PCDH9: variants seen among roughly 807,000 people sequenced by gnomAD.
PCDH9 encodes protocadherin 9.
In PCDH9, 24 loss-of-function variants were observed where a neutral mutation model predicts 70.6. The observed-to-expected ratio is 0.34, with a 90% CI of 0.25 to 0.48. The LOEUF (loss-of-function observed/expected upper bound fraction) is 0.48, where lower values mean the gene tolerates loss of function less well. Ranked by LOEUF, PCDH9 falls within the 20% of genes least tolerant of loss-of-function variation. The pLI, the probability that PCDH9 is intolerant of heterozygous loss-of-function variation, is 0.99. For synonymous variants in PCDH9, 562 were observed against 558.5 expected, an observed-to-expected ratio of 1.01 and a Z score of -0.09; for missense variants, 1,281 against 1,503.6, an observed-to-expected ratio of 0.85 and a Z score of 2.45.
chr13:66,907,487 T>A (rs1463021182), intron 2 of PCDH9, among the ~76,000 whole-genome samples: 1 of 152,202 alleles, frequency 6.6e-6, no homozygotes, highest in Non-Finnish European at 1.5e-5. Context: ...TATTGCAATA[T>A]GTGGATAAAT....
At chr13:66,601,661 A>G (rs370287909) in intron 4 of PCDH9, among the ~76,000 whole-genome samples, 1 of 146,522 alleles carries the variant, frequency 6.8e-6, no homozygotes, top group African/African-American at 2.5e-5. Context: ...ACATTTTTGC[A>G]GAAGGCTGCT....
intron 4 of PCDH9, among the ~76,000 whole-genome samples, chr13:66,577,118 T>C (rs2076826255): frequency 6.6e-6 from 1 of 151,958 alleles, no homozygotes; most frequent in East Asian, 1.9e-4. Flanking sequence ...AAATCTTTGC[T>C]ACTGTTACAT....
chr13:66,458,729 G>A (rs571103627), intron 4 of PCDH9, among the ~76,000 whole-genome samples: 5 of 151,968 alleles, frequency 3.3e-5, no homozygotes, highest in African/African-American at 9.7e-5. Context: ...GGTGACATTC[G>A]AAGAGTCCAA....
At chr13:66,519,187 G>A (rs1159474402) in intron 4 of PCDH9, among the ~76,000 whole-genome samples, 1 of 152,064 alleles carries the variant, frequency 6.6e-6, no homozygotes, top group Non-Finnish European at 1.5e-5. Flanking sequence ...ATAAACAGTG[G>A]TGATAGTAGT....
At chr13:66,510,466 T>A (rs1959414372) in intron 4 of PCDH9, among the ~76,000 whole-genome samples, 1 of 152,120 alleles carries the variant, frequency 6.6e-6, no homozygotes, top group Non-Finnish European at 1.5e-5. Flanking sequence ...ACCCATTAAG[T>A]CGTCATTTAC....
intron 4 of PCDH9, among the ~76,000 whole-genome samples, chr13:66,366,187 T>G (rs1269367451): frequency 1.3e-5 from 2 of 152,044 alleles, no homozygotes; most frequent in Non-Finnish European, 2.9e-5. Flanking sequence ...TATTGGCTTC[T>G]TTTAATCCCA....
At chr13:66,748,595 C>T (rs1440712220) in intron 3 of PCDH9, among the ~76,000 whole-genome samples, 1 of 152,102 alleles carries the variant, frequency 6.6e-6, no homozygotes, top group Admixed American at 6.6e-5. Context: ...TGTAGTGTGT[C>T]AGCAAAGCAG....
chr13:66,718,249 A>G (rs1009208856), intron 3 of PCDH9, among the ~76,000 whole-genome samples: 1 of 152,212 alleles, frequency 6.6e-6, no homozygotes. Flanking sequence ...ACCCGTTCAA[A>G]CTGAGAGAGA....
chr13:66,447,191 A>G (rs1374877830), intron 4 of PCDH9, among the ~76,000 whole-genome samples: 1 of 152,100 alleles, frequency 6.6e-6, no homozygotes, highest in African/African-American at 2.4e-5. Context: ...AAAAATGTTG[A>G]AAAGCTTCTA....
intron 4 of PCDH9, among the ~76,000 whole-genome samples, chr13:66,338,071 C>T (rs1248184217): frequency 6.6e-6 from 1 of 152,076 alleles, no homozygotes; most frequent in Non-Finnish European, 1.5e-5. Flanking sequence ...GTTAATTAGG[C>T]AGCCAAAACC....
chr13:66,872,108 G>A (rs933295450), intron 3 of PCDH9, among the ~76,000 whole-genome samples: 1 of 152,062 alleles, frequency 6.6e-6, no homozygotes, highest in Non-Finnish European at 1.5e-5. Flanking sequence ...TCCCCATAAA[G>A]GACATATGAC....
chr13:66,598,289 T>C lies in PCDH9; in HGVS notation c.3340+32921A>G, dbSNP rs137946920. On this transcript the variant is annotated intron_variant, in intron 4 of 4. Transcript: ENST00000377865. ...GGAAGCAATATTTAGAACATGGCTA[T>C]TCTAAAGATAACCTAATTTTTTTCT... 1.1e-4 allele frequency among the ~76,000 whole-genome samples: 17 copies of C among 151,972 alleles called. No homozygotes were observed. In the East Asian group the frequency reaches 3.1e-3, roughly 28 times the overall value.
intron 3 of PCDH9, among the ~76,000 whole-genome samples, chr13:66,647,853 G>A (rs985876524): frequency 1.3e-5 from 2 of 151,864 alleles, no homozygotes; most frequent in African/African-American, 4.8e-5. Context: ...TCATACTCAC[G>A]AGCATTCACC....
chr13:66,523,814 A>T (rs1960100046), intron 4 of PCDH9, among the ~76,000 whole-genome samples: 1 of 152,104 alleles, frequency 6.6e-6, no homozygotes, highest in African/African-American at 2.4e-5. Context: ...AAAAACTTGC[A>T]TTATTGAAAA....
chr13:66,465,641 C>G (rs921963481), intron 4 of PCDH9, among the ~76,000 whole-genome samples: 1 of 151,806 alleles, frequency 6.6e-6, no homozygotes, highest in African/African-American at 2.4e-5. Context: ...CTTCCACTAA[C>G]TTTACTAACA....
intron 4 of PCDH9, among the ~76,000 whole-genome samples, chr13:66,592,929 T>C (rs555433976): frequency 1.4e-4 from 21 of 151,880 alleles, no homozygotes; most frequent in African/African-American, 4.6e-4. Flanking sequence ...CATTTTCATA[T>C]AGTTGATTTT....
At chr13:66,583,274 C>T (rs1018379771) in intron 4 of PCDH9, among the ~76,000 whole-genome samples, 1 of 151,978 alleles carries the variant, frequency 6.6e-6, no homozygotes, top group African/African-American at 2.4e-5. Context: ...TTAACTTACT[C>T]GATTATAATT....
At position 66,447,321 on chromosome 13, in the gene PCDH9, G is replaced by A. The variant is rs78888060; in HGVS notation, c.3341-142293C>T. Among the ~76,000 whole-genome samples, 809 of 151,960 alleles carry A rather than the reference G, an allele frequency of 5.3e-3. 7 individuals carry two copies. The highest frequency in any genetic ancestry group is 0.018 in the African/African-American group (764 of 41,494). On this transcript the variant is annotated intron_variant, in intron 4 of 4. Coordinates refer to ENST00000377865, the MANE Select transcript of PCDH9 (RefSeq NM_203487.3). ...AAGAGTTAACATAACTAATAGCCTT[G>A]GAGATTTGAGTCTAATATTAGGCTT...
At chr13:66,626,187 T>C (rs1322676464) in intron 4 of PCDH9, among the ~76,000 whole-genome samples, 2 of 151,976 alleles carry the variant, frequency 1.3e-5, no homozygotes, top group Non-Finnish European at 2.9e-5. Flanking sequence ...TCAACCCGGT[T>C]GGGAAGAAGA....
Sources: allele counts gnomAD v4.1 joint callset (sites outside exome capture counted in the v4.1 genomes callset), GRCh38; gene constraint gnomAD v4.1.1; transcripts MANE v1.5; gene names NCBI Gene and HGNC (gene_info 2026-07-23, HGNC 2026-07-21).